The following LRRC36 variants were observed in gnomAD, a reference collection of about 807,000 sequenced individuals.
LRRC36 encodes the protein leucine rich repeat containing 36, also known as leucine-rich repeat-containing protein 36.
Under a neutral mutation model 81.1 loss-of-function variants are expected in LRRC36, and 62 were observed. The observed-to-expected ratio is 0.76, with a 90% confidence interval of 0.62 to 0.94. The LOEUF (loss-of-function observed/expected upper bound fraction) is 0.94, where lower values mean the gene tolerates loss of function less well. Ranked by LOEUF, LRRC36 falls within the 40% of genes least tolerant of loss-of-function variation. The probability of loss-of-function intolerance (pLI) is 0.00; values close to 1 mark genes in which losing one functional copy is unlikely to be tolerated. For missense variants in LRRC36, 761 were observed against 881.7 expected (o/e 0.86, Z 1.73); for synonymous variants, 334 against 348.6 (o/e 0.96, Z 0.47).
chr16:67,354,845 G>C (rs545425782), intron 5 of LRRC36, among the ~76,000 whole-genome samples: 1 of 152,278 alleles, frequency 6.6e-6, no homozygotes, highest in South Asian at 2.1e-4. Flanking sequence ...TAAACGACAT[G>C]TATCTACTGT....
At chr16:67,384,804 T>C in intron 13 of LRRC36, 66 bp from the exon 14 acceptor site, 3 of 1,198,254 alleles carry the variant, frequency 2.5e-6, no homozygotes, top group Non-Finnish European at 3.7e-6. Context: ...GGGAGACATT[T>C]TGGGTCTGCA....
chr16:67,381,105 T>G (rs1040654747), intron 12 of LRRC36, among the ~76,000 whole-genome samples: 4 of 151,778 alleles, frequency 2.6e-5, no homozygotes, highest in Non-Finnish European at 5.9e-5. Context: ...GTGCCTATAA[T>G]CCCAGCTACT....
chr16:67,354,485 C>T (rs558260308), intron 5 of LRRC36, among the ~76,000 whole-genome samples: 1 of 152,244 alleles, frequency 6.6e-6, no homozygotes, highest in Non-Finnish European at 1.5e-5. Flanking sequence ...ACCATGTTGG[C>T]CAGGCTGGTC....
chr16:67,338,328 T>C (rs528030726), intron 1 of LRRC36, among the ~76,000 whole-genome samples: 4 of 152,158 alleles, frequency 2.6e-5, no homozygotes, highest in Non-Finnish European at 5.9e-5. Context: ...CTCCTTAATG[T>C]TTTGTTTAAA....
chr16:67,363,455 A>G (rs1188249132), intron 5 of LRRC36, 135 bp from the exon 6 acceptor site: 1 of 722,828 alleles, frequency 1.4e-6, no homozygotes, highest in Non-Finnish European at 2.3e-6. Flanking sequence ...GCTCAAATTC[A>G]TGTGGTCTCC....
chr16:67,352,581 T>A (rs189546956), intron 5 of LRRC36, among the ~76,000 whole-genome samples: 1 of 152,128 alleles, frequency 6.6e-6, no homozygotes, highest in Non-Finnish European at 1.5e-5. Flanking sequence ...TCTCCTGTTT[T>A]TTCTCTTTGC....
chr16:67,335,406 ATC>A (rs2037710245), intron 1 of LRRC36, among the ~76,000 whole-genome samples: 1 of 152,210 alleles, frequency 6.6e-6, no homozygotes, highest in Non-Finnish European at 1.5e-5. Flanking sequence ...TTTAAAGGTT[ATC>A]TCTCTTGTTC....
At chr16:67,338,517 G>A (rs1017654091) in intron 1 of LRRC36, among the ~76,000 whole-genome samples, 3 of 152,074 alleles carry the variant, frequency 2.0e-5, no homozygotes, top group African/African-American at 7.2e-5. Context: ...ATGAAAACAG[G>A]ACAAGTGGTA....
Position 67,385,100 on chromosome 16 carries a change from G to C in LRRC36, c.*11G>C. 6.2e-7 allele frequency: 1 copy of C among 1,604,248 alleles called. No homozygotes were observed. The highest frequency in any genetic ancestry group is 1.1e-5 in the South Asian group (1 of 90,824). On this transcript the variant is annotated 3_prime_UTR_variant, in exon 14 of 14. Coordinates refer to ENST00000329956, the MANE Select transcript of LRRC36 (RefSeq NM_018296.6). ...GAGCCTGGCTTATAGAGCTAGCATG[G>C]AACTCACACCACAGCTTCCCTGGTC...
At chr16:67,332,851 C>T (rs2037562064) in intron 1 of LRRC36, among the ~76,000 whole-genome samples, 1 of 151,696 alleles carries the variant, frequency 6.6e-6, no homozygotes, top group African/African-American at 2.4e-5. Flanking sequence ...ATACACTGCC[C>T]TCAAAGTCAG....
intron 1 of LRRC36, among the ~76,000 whole-genome samples, chr16:67,328,255 G>A (rs2037298725): frequency 2.0e-5 from 3 of 152,158 alleles, no homozygotes; most frequent in African/African-American, 7.2e-5. Context: ...GCTCACGACT[G>A]TAATCCCAGC....
intron 2 of LRRC36, among the ~76,000 whole-genome samples, chr16:67,345,912 G>A (rs1438080985): frequency 1.3e-5 from 2 of 152,068 alleles, no homozygotes; most frequent in Non-Finnish European, 2.9e-5. Flanking sequence ...ATTCTAATGT[G>A]GCTTGGCCAC....
chr16:67,379,506 C>T (rs1422732051), intron 12 of LRRC36, among the ~76,000 whole-genome samples: 1 of 152,178 alleles, frequency 6.6e-6, no homozygotes, highest in Admixed American at 6.6e-5. Context: ...CACTTGAGCT[C>T]AGGAGTTCAA....
At chr16:67,350,461 C>G (rs1248437040) in intron 5 of LRRC36, among the ~76,000 whole-genome samples, 171 bp downstream of exon 5, 1 of 152,202 alleles carries the variant, frequency 6.6e-6, no homozygotes, top group Non-Finnish European at 1.5e-5. Flanking sequence ...AAGGACCTTA[C>G]AGAGCAGGCC....
At chr16:67,381,279 A>G (rs1300087892) in intron 12 of LRRC36, among the ~76,000 whole-genome samples, 1 of 151,350 alleles carries the variant, frequency 6.6e-6, no homozygotes, top group African/African-American at 2.4e-5. Flanking sequence ...GATTGGCATC[A>G]TTACAACCGG....
Position 67,378,785 on chromosome 16 carries a change from A to G in LRRC36, c.1930+73A>G, listed in dbSNP as rs568892623. On this transcript the variant is annotated intron_variant, in intron 12 of 13. Transcript: ENST00000329956. Reference sequence around the variant, plus strand: ...TTGTTTATAGATGACCCATTTAGTAACCTTCATCATGCTAGCTCACGTGGC... The same window carrying G: ...TTGTTTATAGATGACCCATTTAGTAGCCTTCATCATGCTAGCTCACGTGGC... The G allele has an allele frequency of 5.2e-5, 79 of 1,531,020 alleles. No individual in the cohort carries two copies. The Middle Eastern group carries it at 5.2e-4, about 10-fold the overall frequency. The allele number at this position is 1,531,020 out of a possible 1,614,324, so 94.8% of individuals were successfully genotyped here.
At chr16:67,330,365 TC>T (rs2037425324) in intron 1 of LRRC36, among the ~76,000 whole-genome samples, 5 of 152,192 alleles carry the variant, frequency 3.3e-5, no homozygotes, top group Admixed American at 3.3e-4. Flanking sequence ...CTGTAATACT[TC>T]TATAAAGAGA....
rs2039434445 is a variant in LRRC36 at position 67,367,131 on chromosome 16, AG to A, written c.871del (p.Glu291AsnfsTer2). 1 of 1,614,064 alleles carries A rather than the reference AG, an allele frequency of 6.2e-7. No homozygotes were observed. Among genetic ancestry groups the A allele is most frequent in the Admixed American group, 1.7e-5 (1 of 59,994 alleles). On this transcript the variant is annotated frameshift_variant, in exon 8 of 14. Transcript: ENST00000329956. LOFTEE classifies it high-confidence loss of function. ...AAGTCTTCAGGTTCTTCTCCAGAAA[AG>A]GAATTGATACCAAAACCTGATACTT... ...DNKSSGSSPE[K>X]ELIPKPDTFH...
chr16:67,354,569 C>T (rs2038812723), intron 5 of LRRC36, among the ~76,000 whole-genome samples: 1 of 152,190 alleles, frequency 6.6e-6, no homozygotes, highest in African/African-American at 2.4e-5. Context: ...TGAAACACTG[C>T]ACCTGGCCAA....
Sources: allele counts gnomAD v4.1 joint callset (sites outside exome capture counted in the v4.1 genomes callset), GRCh38; gene constraint gnomAD v4.1.1; transcripts MANE v1.5; gene names NCBI Gene and HGNC (gene_info 2026-07-23, HGNC 2026-07-21).